Variants in L2HGDH observed in about 807,000 individuals in gnomAD.
L2HGDH encodes L-2-hydroxyglutarate dehydrogenase, mitochondrial.
In L2HGDH, 34 loss-of-function variants were observed where a neutral mutation model predicts 51.5. The ratio of observed to expected loss-of-function variants is 0.66; its 90% CI spans 0.50 to 0.88. The LOEUF (loss-of-function observed/expected upper bound fraction) is 0.88. Ranked by LOEUF, L2HGDH falls within the 40% of genes least tolerant of loss-of-function variation. L2HGDH has a pLI of 0.00. For synonymous variants in L2HGDH, 198 were observed against 197.9 expected (o/e 1.00, Z -0.01); for missense variants, 558 against 571.9 (o/e 0.98, Z 0.25).
intron 7 of L2HGDH, 57 bp downstream of exon 7, chr14:50,269,106 C>T (rs1889516208): frequency 1.4e-6 from 2 of 1,471,272 alleles, no homozygotes; most frequent in Non-Finnish European, 1.9e-6. Flanking sequence ...GTTTTCATCT[C>T]CTTTATGACC....
In L2HGDH at chr14:50,265,488, C is replaced by T; in HGVS notation, c.1066G>A (p.Gly356Ser). 6.2e-7 allele frequency: 1 copy of T among 1,611,794 alleles called. No homozygotes were observed. The highest frequency in any genetic ancestry group is 8.5e-7 in the Non-Finnish European group (1 of 1,178,704). The change falls in exon 9 of 10, where the codon GGC becomes AGC. Residue 356 changes from glycine (G) to serine (S), a missense_variant and splice_region_variant. Around this residue, in one of 3 missense-constraint regions of L2HGDH, gnomAD observed 321 missense variants for 311.8 expected, o/e 1.03. Transcript: ENST00000267436. The stretch of plus-strand genomic sequence containing the variant: ...TTCTGGGATGCCAGTTTAATCAAGC[C>T]ACTGAAAACAGAGAAAAAAAATCTT... ...TDVMDIIINSGLIKLASQNFS... is the reference protein window; with the variant it reads ...TDVMDIIINSSLIKLASQNFS...
chr14:50,281,231 T>C (rs996861866), intron 5 of L2HGDH, among the ~76,000 whole-genome samples: 2 of 152,108 alleles, frequency 1.3e-5, no homozygotes, highest in Non-Finnish European at 2.9e-5. Flanking sequence ...TGTTGATATA[T>C]ATAGACAAGC....
chr14:50,272,586 C>T (rs890634023), intron 6 of L2HGDH, among the ~76,000 whole-genome samples: 1 of 152,178 alleles, frequency 6.6e-6, no homozygotes, highest in African/African-American at 2.4e-5. Context: ...GAAAGTGCTT[C>T]TGGCTTTGAC....
intron 8 of L2HGDH, among the ~76,000 whole-genome samples, chr14:50,266,648 G>T (rs1889352364): frequency 6.6e-6 from 1 of 152,110 alleles, no homozygotes; most frequent in Non-Finnish European, 1.5e-5. Context: ...CTTTAGTTGT[G>T]ATTTTCAAGT....
intron 6 of L2HGDH, among the ~76,000 whole-genome samples, chr14:50,274,587 T>C (rs2139996230): frequency 1.3e-5 from 2 of 152,076 alleles, no homozygotes; most frequent in East Asian, 3.9e-4. Context: ...TGATCCAAAT[T>C]AAAAATAGAA....
intron 9 of L2HGDH, among the ~76,000 whole-genome samples, chr14:50,261,543 T>A (rs967815043): frequency 1.3e-5 from 2 of 152,112 alleles, no homozygotes; most frequent in Non-Finnish European, 2.9e-5. Flanking sequence ...AGGACAGTAG[T>A]GCAATAATGG....
chr14:50,296,593 T>TAAAA (rs113103736), intron 3 of L2HGDH, among the ~76,000 whole-genome samples: 2 of 117,474 alleles, frequency 1.7e-5, no homozygotes, highest in Non-Finnish European at 3.6e-5. Context: ...CTTCCCACAT[T>TAAAA]AAAAAAAAAA....
intron 5 of L2HGDH, among the ~76,000 whole-genome samples, chr14:50,279,767 A>G (rs1263734278): frequency 6.6e-6 from 1 of 152,140 alleles, no homozygotes; most frequent in Admixed American, 6.5e-5. Flanking sequence ...TGGTTCTTGA[A>G]ACATACAAGC....
At chr14:50,258,565 G>A (rs1201655841) in intron 9 of L2HGDH, among the ~76,000 whole-genome samples, 2 of 152,042 alleles carry the variant, frequency 1.3e-5, no homozygotes, top group African/African-American at 4.8e-5. Context: ...CCAGGCTGGA[G>A]TGCACTGGCA....
At chr14:50,258,471 T>C (rs908976602) in intron 9 of L2HGDH, among the ~76,000 whole-genome samples, 5 of 151,872 alleles carry the variant, frequency 3.3e-5, no homozygotes, top group African/African-American at 9.7e-5. Context: ...AATTCTCCCA[T>C]CTCAGTCTCC....
At chr14:50,269,452 T>C (rs1240231601) in intron 6 of L2HGDH, 122 bp from the exon 7 acceptor site, 1 of 922,368 alleles carries the variant, frequency 1.1e-6, no homozygotes, top group Admixed American at 2.1e-5. Context: ...AAAGAGGATA[T>C]TCAATACAGG....
chr14:50,302,044 C>G lies in L2HGDH; in HGVS notation c.381G>C (p.Lys127Asn). ...AALLYEYCQQ[K>N]GISYKQCGKL... ...TGCCACACTGCTTGTAGGAAATTCC[C>G]TTTTGCTGACAGTACTCATAGAGGA... Residue 127 changes from lysine to asparagine, a missense_variant, in exon 3 of 10, where the codon AAG becomes AAC. Lys to Asn is a moderately conservative substitution (Grantham distance 94, BLOSUM62 0). Transcript: ENST00000267436. The G allele has an allele frequency of 6.2e-7, 1 of 1,614,112 alleles. No homozygotes were observed.
intron 9 of L2HGDH, among the ~76,000 whole-genome samples, chr14:50,256,350 A>AGG (rs1555327570): frequency 1.2e-3 from 4 of 3,324 alleles, no homozygotes; most frequent in Non-Finnish European, 3.6e-3. Context: ...CTCTGTCTCT[A>AGG]AAATAATAAT....
chr14:50,311,873 C>A, intron 1 of L2HGDH, 138 bp downstream of exon 1: 1 of 1,171,548 alleles, frequency 8.5e-7, no homozygotes, highest in East Asian at 2.6e-5. Context: ...CTCCTGGGAT[C>A]CGAGGTTGGA....
At chr14:50,309,994 C>T (rs1209755033) in intron 1 of L2HGDH, among the ~76,000 whole-genome samples, 2 of 151,926 alleles carry the variant, frequency 1.3e-5, no homozygotes, top group African/African-American at 4.8e-5. Flanking sequence ...CATGCCTGGC[C>T]ACATTTTCAT....
At position 50,246,783 on chromosome 14, in the gene L2HGDH, G is replaced by A; in HGVS notation, c.*275C>T. The A allele has an allele frequency of 2.9e-6, 1 of 346,034 alleles. No homozygotes were observed. Among genetic ancestry groups the A allele is most frequent in the Non-Finnish European group, 5.3e-6 (1 of 190,306 alleles). 21.4% of individuals were successfully genotyped at this position (346,034 alleles called of 1,614,324 possible). ...GTCACCCAGGCTGGAGTGCAGTGGT[G>A]CAATCTCAGCTCTCAGCTCACCTCC... On this transcript the variant is annotated 3_prime_UTR_variant, in exon 10 of 10. Coordinates refer to ENST00000267436, the MANE Select transcript of L2HGDH (RefSeq NM_024884.3).
intron 6 of L2HGDH, among the ~76,000 whole-genome samples, chr14:50,276,737 T>C (rs1390694449): frequency 1.3e-5 from 2 of 152,248 alleles, no homozygotes; most frequent in South Asian, 2.1e-4. Context: ...CTTGGACTTT[T>C]AGCCTCCAGA....
In L2HGDH at chr14:50,296,819, C is replaced by T. The variant is rs542312670; in HGVS notation, c.409-2573G>A. ...TTTGCCTTTTACCAAAACCAGATAT[C>T]GTAAGAAATTGCAAACCAATATCCC... On this transcript the variant is annotated intron_variant, in intron 3 of 9. Transcript: ENST00000267436. 2.6e-5 allele frequency among the ~76,000 whole-genome samples: 4 copies of T among 152,140 alleles called. No homozygotes were observed. The East Asian group carries it at 7.7e-4, about 29-fold the overall frequency.
In L2HGDH at chr14:50,312,201, T is replaced by C. The variant is rs892457024; in HGVS notation, c.-51A>G. ...GCGCTCAGAAGAAGCCACTTGACCC[T>C]CCACGGCCGAGGACCCGCGCTCTTT... On this transcript the variant is annotated 5_prime_UTR_variant, in exon 1 of 10. Transcript: ENST00000267436. 9.4e-6 allele frequency: 15 copies of C among 1,600,160 alleles called. No individual in the cohort carries two copies. The highest frequency in any genetic ancestry group is 1.3e-5 in the African/African-American group (1 of 74,728).
Sources: gnomAD v4.1 joint callset for allele counts (sites outside exome capture counted in the v4.1 genomes callset) on GRCh38, gnomAD v4.1.1 for gene constraint, gnomAD v4.1.1 regional missense constraint, MANE v1.5 for transcripts, NCBI Gene and HGNC (gene_info 2026-07-23, HGNC 2026-07-21) for gene names.